Variants in RBCK1 observed in about 807,000 individuals in gnomAD.
RBCK1 encodes ranBP-type and C3HC4-type zinc finger-containing protein 1.
In RBCK1, 44 loss-of-function variants were observed where a neutral mutation model predicts 71.1. The observed-to-expected ratio is 0.62, with a 90% confidence interval of 0.49 to 0.80. RBCK1 has a LOEUF of 0.80. RBCK1 is among the 30% of genes least tolerant of loss of function. RBCK1 has a pLI of 0.00. For synonymous variants in RBCK1, 306 were observed against 279.7 expected, an observed-to-expected ratio of 1.09 and a Z score of -0.94; for missense variants, 569 against 685.0, an observed-to-expected ratio of 0.83 and a Z score of 1.89.
At chr20:410,678 C>T in intron 2 of RBCK1, 1 of 662,184 alleles carries the variant, frequency 1.5e-6, no homozygotes. Context: ...GGTCTGTGCT[C>T]CAGGAGACTT....
chr20:429,131 C>T (rs2016888692), intron 11 of RBCK1, 37 bp downstream of exon 11: 1 of 1,582,718 alleles, frequency 6.3e-7, no homozygotes, highest in Admixed American at 1.8e-5. Flanking sequence ...AGAGGGTGCC[C>T]TTGTGGGCTT....
rs2016943981 is a variant in RBCK1 at position 430,151 on chromosome 20, C to CG, written c.1453-197dup. 6.6e-6 allele frequency among the ~76,000 whole-genome samples: 1 copy of CG among 152,206 alleles called. No homozygotes were observed. Among genetic ancestry groups the CG allele is most frequent in the Non-Finnish European group, 1.5e-5 (1 of 68,036 alleles). On this transcript the variant is annotated intron_variant, in intron 11 of 11. Coordinates refer to ENST00000356286, the MANE Select transcript of RBCK1 (RefSeq NM_031229.4). This position sits in a 1 kb window ranked among gnomAD's most constrained non-coding sequence, Gnocchi z 5.6. ...TCAGATCCTCTCCCTGGCCTGTTCC[C>CG]GGATCTAGGCGTGGGTAGACTGAGT...
In RBCK1 at chr20:410,058, G is replaced by C. The variant is rs145976650; in HGVS notation, c.167+33G>C. 9.1e-4 allele frequency: 1,461 copies of C among 1,599,992 alleles called. 9 individuals carry two copies. The Middle Eastern group carries it at 0.028, about 31-fold the overall frequency. On this transcript the variant is annotated intron_variant, in intron 2 of 11. Transcript: ENST00000356286. ...GTGCATGGCTGGCCTGAACCCAAGGGACAGCAGGACAGGATATTCTTGCCT... is the reference window on the plus strand; with the variant it reads ...GTGCATGGCTGGCCTGAACCCAAGGCACAGCAGGACAGGATATTCTTGCCT...
At chr20:429,658 CACA>C (rs1464121864) in intron 11 of RBCK1, among the ~76,000 whole-genome samples, 1 of 152,222 alleles carries the variant, frequency 6.6e-6, no homozygotes, top group African/African-American at 2.4e-5. Flanking sequence ...TTCATTCATT[CACA>C]TGTTGGCTGT....
In RBCK1 at chr20:420,948, G is replaced by T; in HGVS notation, c.834G>T (p.Glu278Asp). 1 of 1,555,736 alleles carries T rather than the reference G, an allele frequency of 6.4e-7. No individual in the cohort carries two copies. Among genetic ancestry groups the T allele is most frequent in the Admixed American group, 1.9e-5 (1 of 51,808 alleles). ...AGAGGAGCCTGGTGCTGAACACGGA[G>T]CCCGCCGAGTGCCCCGTGTGCTACT... ...LDQRSLVLNT[E>D]PAECPVCYSV... The change falls in exon 7 of 12, where the codon GAG becomes GAT. Residue 278 changes from glutamate (E) to aspartate (D), a missense_variant. Around this residue, in one of 2 missense-constraint regions of RBCK1, gnomAD observed 358 missense variants for 375.6 expected, o/e 0.95. Coordinates refer to ENST00000356286, the MANE Select transcript of RBCK1 (RefSeq NM_031229.4).
intron 4 of RBCK1, 79 bp downstream of exon 4, chr20:418,009 A>T: frequency 7.1e-7 from 1 of 1,415,722 alleles, no homozygotes; most frequent in Non-Finnish European, 9.4e-7. Context: ...GCAGGGGCAG[A>T]GCCCCTGGGT....
In RBCK1 at chr20:419,541, G is replaced by C. The variant is rs192514601; in HGVS notation, c.583-17G>C. 148 of 1,606,224 alleles carry C rather than the reference G, an allele frequency of 9.2e-5. No homozygotes were observed. In the African/African-American group the frequency reaches 1.8e-3, roughly 19 times the overall value. On this transcript the variant is annotated splice_polypyrimidine_tract_variant and intron_variant, in intron 5 of 11. Transcript: ENST00000356286. The stretch of plus-strand genomic sequence containing the variant: ...CTCACCCTGCCCAGTCGGGCTCACA[G>C]CACCCTCTGCTCCCAGGTGGGCTGG...
intron 2 of RBCK1, among the ~76,000 whole-genome samples, chr20:416,191 T>A (rs1307645034): frequency 6.7e-6 from 1 of 150,330 alleles, no homozygotes; most frequent in Non-Finnish European, 1.5e-5. Flanking sequence ...AGTTTCACTC[T>A]GTTGCCCAGG....
chr20:429,317 T>C (rs1447334645), intron 11 of RBCK1, among the ~76,000 whole-genome samples: 9 of 151,922 alleles, frequency 5.9e-5, no homozygotes, highest in African/African-American at 2.2e-4. Flanking sequence ...ACCTCTGCCT[T>C]CCGGGTTCAA....
chr20:419,640 A>C lies in RBCK1; in HGVS notation c.665A>C (p.Glu222Ala). 1 of 1,587,262 alleles carries C rather than the reference A, an allele frequency of 6.3e-7. No individual in the cohort carries two copies. Among genetic ancestry groups the C allele is most frequent in the Non-Finnish European group, 8.6e-7 (1 of 1,168,788 alleles). Residue 222 changes from glutamate (E) to alanine (A), a missense_variant, in exon 6 of 12, where the codon GAG (glutamate) becomes GCG (alanine). Glu to Ala is a moderately radical substitution (Grantham distance 107, BLOSUM62 -1). This residue lies in a region of RBCK1 where 358 missense variants were observed against 375.6 expected (regional missense o/e 0.95). Coordinates refer to ENST00000356286, the MANE Select transcript of RBCK1 (RefSeq NM_031229.4). ...GCEMCCRARP[E>A]AYQVPASYQP... ...GAGATGTGCTGCCGGGCGCGCCCCG[A>C]GGCCTACCAGGTCCCCGCCTCATAC...
Position 428,763 on chromosome 20 carries a change from G to T in RBCK1, c.1308+174G>T. ...AGGCCGAATGGTCATGTCAGGAAGA[G>T]CGTCTGGGTGGAGGGTGGAGACCAC... On this transcript the variant is annotated intron_variant, in intron 10 of 11. Coordinates refer to ENST00000356286, the MANE Select transcript of RBCK1 (RefSeq NM_031229.4). This position sits in a 1 kb window ranked among gnomAD's most constrained non-coding sequence, Gnocchi z 5.7. 1 of 1,413,486 alleles carries T rather than the reference G, an allele frequency of 7.1e-7. No homozygotes were observed. Among genetic ancestry groups the T allele is most frequent in the South Asian group, 1.5e-5 (1 of 66,144 alleles). 87.6% of individuals were successfully genotyped at this position (1,413,486 alleles called of 1,614,324 possible).
rs2122330978 is a variant in RBCK1 at position 428,170 on chromosome 20, GTC to G, written c.1210-318_1210-317del. Among the ~76,000 whole-genome samples, 2 of 152,294 alleles carry G rather than the reference GTC, an allele frequency of 1.3e-5. No homozygotes were observed. Among genetic ancestry groups the G allele is most frequent in the Non-Finnish European group, 2.9e-5 (2 of 68,012 alleles). On this transcript the variant is annotated intron_variant, in intron 9 of 11. Coordinates refer to ENST00000356286, the MANE Select transcript of RBCK1 (RefSeq NM_031229.4). The surrounding 1 kb of genome is among the most constrained non-coding windows in gnomAD (Gnocchi z 5.7). ...GGCAGGCCCTTGTTAGGGATGCAGGGTCTCACCCTAGGGGTATAAGGGATTTC... is the reference window on the plus strand; with the variant it reads ...GGCAGGCCCTTGTTAGGGATGCAGGGTCACCCTAGGGGTATAAGGGATTTC...
At chr20:414,690 G>A (rs1349744133) in intron 2 of RBCK1, among the ~76,000 whole-genome samples, 1 of 152,116 alleles carries the variant, frequency 6.6e-6, no homozygotes, top group Non-Finnish European at 1.5e-5. Context: ...TACTAGAAAG[G>A]ATTTATAGTA....
rs1209267481 is a variant in RBCK1, at chr20:408,667, C to T, written c.-91C>T. 6.5e-7 allele frequency: 1 copy of T among 1,545,986 alleles called. No individual in the cohort carries two copies. Among genetic ancestry groups the T allele is most frequent in the Non-Finnish European group, 8.8e-7 (1 of 1,137,312 alleles). On this transcript the variant is annotated 5_prime_UTR_variant, in exon 1 of 12. Transcript: ENST00000356286. ...GAGGCCACACGGCCTGGCTGAGTTG[C>T]TCCTGGTCTCCCGCCTCTCCCAGGC...
chr20:427,026 G>A (rs1466671224), intron 8 of RBCK1, among the ~76,000 whole-genome samples: 1 of 151,430 alleles, frequency 6.6e-6, no homozygotes, highest in African/African-American at 2.4e-5. Flanking sequence ...GTAGAGATGA[G>A]GTCTCACTGT....
rs2016057705 is a variant in RBCK1, at chr20:417,395, T to TGTGTG, written c.168-131_168-130insGTGTG. 1.5e-6 allele frequency: 1 copy of TGTGTG among 647,000 alleles called. No homozygotes were observed. Among genetic ancestry groups the TGTGTG allele is most frequent in the African/African-American group, 1.8e-5 (1 of 54,986 alleles). 40.1% of individuals were successfully genotyped at this position (647,000 alleles called of 1,614,324 possible). A position where few individuals can be genotyped will look rare whatever the true frequency, so the allele number is the denominator to read the frequency against. ...GGTGGGGCCTACCCCAGACTGGGGTTTGTGTGTGTGTGTGTGTGTGTGTGT... is the reference window on the plus strand; with the variant it reads ...GGTGGGGCCTACCCCAGACTGGGGTTGTGTGTGTGTGTGTGTGTGTGTGTGTGTGT... On this transcript the variant is annotated intron_variant, in intron 2 of 11. Transcript: ENST00000356286. The surrounding 1 kb of genome is among the most constrained non-coding windows in gnomAD (Gnocchi z 4.7).
At chr20:424,233 T>G (rs1237500212) in intron 8 of RBCK1, among the ~76,000 whole-genome samples, 2 of 152,238 alleles carry the variant, frequency 1.3e-5, no homozygotes, top group Non-Finnish European at 2.9e-5. Context: ...GCTGGTGATC[T>G]CGAGCAAGTT....
chr20:421,397 G>C (rs571951673), intron 7 of RBCK1, among the ~76,000 whole-genome samples: 2 of 152,164 alleles, frequency 1.3e-5, no homozygotes, highest in African/African-American at 2.4e-5. Flanking sequence ...TGAATGTGGG[G>C]AACACAGACC....
chr20:413,829 A>G lies in RBCK1; in HGVS notation c.168-3697A>G, dbSNP rs572421706. Among the ~76,000 whole-genome samples, 43 of 151,390 alleles carry G rather than the reference A, an allele frequency of 2.8e-4. No homozygotes were observed. The South Asian group carries it at 8.1e-3, about 29-fold the overall frequency. Reference sequence around the variant, plus strand: ...TGGTAATAACATAGTTTACTTAGCTATTACATTAATTAATAAAACATGAGC... The same window carrying G: ...TGGTAATAACATAGTTTACTTAGCTGTTACATTAATTAATAAAACATGAGC... On this transcript the variant is annotated intron_variant, in intron 2 of 11. Coordinates refer to ENST00000356286, the MANE Select transcript of RBCK1 (RefSeq NM_031229.4).
Sources: gnomAD v4.1 joint callset for allele counts (sites outside exome capture counted in the v4.1 genomes callset) on GRCh38, gnomAD v4.1.1 for gene constraint, gnomAD v4.1.1 regional missense constraint, Gnocchi (gnomAD v3.1) non-coding constraint, MANE v1.5 for transcripts, NCBI Gene and HGNC (gene_info 2026-07-23, HGNC 2026-07-21) for gene names.